KIF6: variants seen among roughly 807,000 people sequenced by gnomAD.
KIF6 encodes kinesin-like protein KIF6.
In KIF6, 106 loss-of-function variants were observed where a neutral mutation model predicts 112.7. That is an observed-to-expected ratio of 0.94 (90% CI 0.80 to 1.11). The LOEUF (loss-of-function observed/expected upper bound fraction) is 1.11, where lower values mean the gene tolerates loss of function less well. KIF6 is among the 50% of genes least tolerant of loss of function. The probability of loss-of-function intolerance (pLI) is 0.00; values close to 1 mark genes in which losing one functional copy is unlikely to be tolerated. For missense variants in KIF6, 929 were observed against 964.0 expected, an observed-to-expected ratio of 0.96 and a Z score of 0.48; for synonymous variants, 339 against 339.9, an observed-to-expected ratio of 1.00 and a Z score of 0.03.
intron 10 of KIF6, among the ~76,000 whole-genome samples, chr6:39,566,316 T>C (rs560203926): frequency 1.5e-4 from 23 of 152,354 alleles, no homozygotes; most frequent in African/African-American, 5.3e-4. Context: ...ATCATCACTT[T>C]ATTTTAAATA....
At chr6:39,346,091 C>CT (rs1763736014) in intron 20 of KIF6, among the ~76,000 whole-genome samples, 3 of 2,198 alleles carry the variant, frequency 1.4e-3, no homozygotes, top group Non-Finnish European at 2.5e-3. Flanking sequence ...TCTCTCCCCC[C>CT]CCTCTCCCTC....
In KIF6 at chr6:39,560,895, T is replaced by C. The variant is rs1046152157; in HGVS notation, c.1182-15207A>G. ...ATTTTCTGATTCAAGACAGACTCTC[T>C]AAAATTTTGTGCTTTGTACTAACCT... On this transcript the variant is annotated intron_variant, in intron 10 of 22. Coordinates refer to ENST00000287152, the MANE Select transcript of KIF6 (RefSeq NM_145027.6). Among the ~76,000 whole-genome samples, 5 of 152,236 alleles carry C rather than the reference T, an allele frequency of 3.3e-5. No homozygotes were observed. In the East Asian group the frequency reaches 9.6e-4, roughly 29 times the overall value.
At chr6:39,360,895 T>C (rs1765079938) in intron 17 of KIF6, among the ~76,000 whole-genome samples, 1 of 152,130 alleles carries the variant, frequency 6.6e-6, no homozygotes, top group African/African-American at 2.4e-5. Flanking sequence ...ATGAAGGAGA[T>C]ACTATGATTA....
intron 9 of KIF6, among the ~76,000 whole-genome samples, chr6:39,579,176 T>C (rs1781146954): frequency 1.3e-5 from 2 of 152,198 alleles, no homozygotes; most frequent in Non-Finnish European, 2.9e-5. Flanking sequence ...TTCAGAGTAG[T>C]ACAAATTTAC....
chr6:39,389,892 A>T (rs1321215426), intron 15 of KIF6, among the ~76,000 whole-genome samples: 1 of 152,060 alleles, frequency 6.6e-6, no homozygotes, highest in Non-Finnish European at 1.5e-5. Context: ...TTAGCTGGGC[A>T]TGGTGACGGG....
intron 3 of KIF6, among the ~76,000 whole-genome samples, chr6:39,676,870 A>G (rs960827271): frequency 1.3e-5 from 2 of 152,130 alleles, no homozygotes; most frequent in African/African-American, 4.8e-5. Context: ...GGTTAAATTG[A>G]AAAGTAAATA....
chr6:39,664,736 A>G (rs1786362358), intron 3 of KIF6, among the ~76,000 whole-genome samples: 1 of 152,162 alleles, frequency 6.6e-6, no homozygotes, highest in Admixed American at 6.5e-5. Flanking sequence ...ATTTGAATAA[A>G]TCATTTGTTC....
rs565275206 is a variant in KIF6, at chr6:39,560,548, A to C, written c.1182-14860T>G. 1.2e-3 allele frequency among the ~76,000 whole-genome samples: 176 copies of C among 152,256 alleles called. 1 individual carries two copies. The highest frequency in any genetic ancestry group is 0.01 in the Middle Eastern group (3 of 294). ...CTCCCTGTCCAGCTTTGCTTTTCTA[A>C]ATCTTGTCTTGATTCACGAGTCTGC... On this transcript the variant is annotated intron_variant, in intron 10 of 22. Coordinates refer to ENST00000287152, the MANE Select transcript of KIF6 (RefSeq NM_145027.6).
intron 6 of KIF6, among the ~76,000 whole-genome samples, chr6:39,599,145 A>C (rs767944882): frequency 6.6e-6 from 1 of 152,318 alleles, no homozygotes; most frequent in Middle Eastern, 3.4e-3. Flanking sequence ...TTTGTGTTTT[A>C]CATTTTTTGG....
intron 13 of KIF6, among the ~76,000 whole-genome samples, chr6:39,493,098 T>G (rs1775566106): frequency 6.6e-6 from 1 of 152,200 alleles, no homozygotes. Flanking sequence ...GAAAAAGCCT[T>G]ACACCTTTCC....
intron 14 of KIF6, among the ~76,000 whole-genome samples, chr6:39,421,144 C>T (rs1770331077): frequency 6.6e-6 from 1 of 152,192 alleles, no homozygotes; most frequent in Admixed American, 6.5e-5. Flanking sequence ...ATGGCTGTAC[C>T]TTGGCGGGGC....
rs1554196915 is a variant in KIF6 at position 39,346,132 on chromosome 6, C to CCCCTCT, written c.2231+343_2232-343insAGAGGG. 3.7e-3 allele frequency among the ~76,000 whole-genome samples: 99 copies of CCCCTCT among 26,936 alleles called. 2 individuals carry two copies. The highest frequency in any genetic ancestry group is 0.013 in the African/African-American group (87 of 6,760). The allele number at this position is 26,936 out of a possible 152,430, so 17.7% of individuals were successfully genotyped here. A position where few individuals can be genotyped will look rare whatever the true frequency, so the allele number is the denominator to read the frequency against. ...CTCCCTCTCCCTCTCCCTCCCTCTC[C>CCCCTCT]CTCTCTCTCTCTCTCTCTCTCTCTC... is the stretch of plus-strand genomic sequence containing the variant. On this transcript the variant is annotated intron_variant, in intron 20 of 22. Coordinates refer to ENST00000287152, the MANE Select transcript of KIF6 (RefSeq NM_145027.6).
intron 16 of KIF6, among the ~76,000 whole-genome samples, chr6:39,366,430 TG>T (rs1461848022): frequency 2.0e-5 from 3 of 152,144 alleles, no homozygotes; most frequent in African/African-American, 7.2e-5. Context: ...GGGATTCCAG[TG>T]GGGAAGACAG....
At chr6:39,593,688 C>A (rs1401233159) in intron 7 of KIF6, among the ~76,000 whole-genome samples, 3 of 152,110 alleles carry the variant, frequency 2.0e-5, no homozygotes, top group African/African-American at 7.2e-5. Flanking sequence ...GCAAATTCAT[C>A]CCCCTGGGCT....
intron 22 of KIF6, among the ~76,000 whole-genome samples, chr6:39,337,183 C>CTTT: frequency 1.3e-5 from 1 of 79,766 alleles, no homozygotes; most frequent in East Asian, 3.2e-4. Context: ...TTCTTTCTTT[C>CTTT]TTTCTTTCTT....
At chr6:39,696,735 T>A (rs1021472729) in intron 3 of KIF6, among the ~76,000 whole-genome samples, 3 of 151,956 alleles carry the variant, frequency 2.0e-5, no homozygotes, top group Non-Finnish European at 4.4e-5. Context: ...ATATTGTGTA[T>A]GTCTGTGTAT....
intron 13 of KIF6, among the ~76,000 whole-genome samples, chr6:39,466,721 C>A (rs1448895947): frequency 2.6e-5 from 4 of 152,254 alleles, no homozygotes; most frequent in South Asian, 2.1e-4. Flanking sequence ...TTTCTCATGA[C>A]CCCTATCTCT....
Position 39,410,824 on chromosome 6 carries a change from G to A in KIF6, c.1810+9124C>T, listed in dbSNP as rs1421287693. Among the ~76,000 whole-genome samples, 3 of 152,164 alleles carry A rather than the reference G, an allele frequency of 2.0e-5. 1 individual carries two copies. Among genetic ancestry groups the A allele is most frequent in the South Asian group, 4.1e-4 (2 of 4,826 alleles). ...CTGAGATAAAACCAAGAGCATATGCGATATCAATTATTGCACCTGTCCTAC... is the reference window on the plus strand; with the variant it reads ...CTGAGATAAAACCAAGAGCATATGCAATATCAATTATTGCACCTGTCCTAC... On this transcript the variant is annotated intron_variant, in intron 15 of 22. Coordinates refer to ENST00000287152, the MANE Select transcript of KIF6 (RefSeq NM_145027.6).
intron 16 of KIF6, among the ~76,000 whole-genome samples, chr6:39,371,164 A>G (rs1765950892): frequency 6.6e-6 from 1 of 152,164 alleles, no homozygotes; most frequent in Non-Finnish European, 1.5e-5. Flanking sequence ...AGCCCTTGTG[A>G]GCCAGTGGGA....
Sources: allele counts gnomAD v4.1 joint callset (sites outside exome capture counted in the v4.1 genomes callset), GRCh38; gene constraint gnomAD v4.1.1; transcripts MANE v1.5; gene names NCBI Gene and HGNC (gene_info 2026-07-23, HGNC 2026-07-21).